The following NME9 variants were observed in gnomAD, a reference collection of about 807,000 sequenced individuals.
NME9 encodes NME/NM23 family member 9.
NME9 carries 48 observed loss-of-function variants against 44.4 expected under a neutral mutation model. The ratio of observed to expected loss-of-function variants is 1.08; its 90% CI spans 0.86 to 1.37. The LOEUF (loss-of-function observed/expected upper bound fraction) is 1.37. Among genes scored for constraint, NME9 ranks in the 40% most tolerant of loss-of-function variants. The pLI, the probability that NME9 is intolerant of heterozygous loss-of-function variation, is 0.00. For missense variants in NME9, 325 were observed against 405.2 expected, an observed-to-expected ratio of 0.80 and a Z score of 1.70; for synonymous variants, 139 against 147.1, an observed-to-expected ratio of 0.94 and a Z score of 0.40.
At chr3:138,290,209 C>A (rs1210414099) in intron 8 of NME9, among the ~76,000 whole-genome samples, 1 of 152,120 alleles carries the variant, frequency 6.6e-6, no homozygotes, top group Non-Finnish European at 1.5e-5. Context: ...ATGGGTATGT[C>A]CTGAAAGAAG....
chr3:138,263,634 AAAC>A (rs1250142733), intron 8 of NME9: 4 of 1,070,974 alleles, frequency 3.7e-6, no homozygotes, highest in Non-Finnish European at 5.8e-6. Context: ...CTCTTGCCAA[AAAC>A]AACGTTAAAC....
At chr3:138,310,015 C>CAA (rs764498144) in intron 6 of NME9, among the ~76,000 whole-genome samples, 72 of 130,282 alleles carry the variant, frequency 5.5e-4, no homozygotes, top group African/African-American at 1.8e-3. Context: ...AACTCCATCT[C>CAA]AAAAAAAAAA....
In NME9 at chr3:138,284,362, A is replaced by G. The variant is rs1407426070; in HGVS notation, c.745+19145T>C. The G allele has an allele frequency of 2.6e-5, 33 of 1,245,490 alleles. No individual in the cohort carries two copies. The Admixed American group carries it at 5.5e-4, about 21-fold the overall frequency. 77.2% of individuals were successfully genotyped at this position (1,245,490 alleles called of 1,614,324 possible). Reference sequence around the variant, plus strand: ...GTACCTTCAAGTGAAAAATTGCCCAAGCTCTTGAGACAGCTTGACTCTGGG... The same window carrying G: ...GTACCTTCAAGTGAAAAATTGCCCAGGCTCTTGAGACAGCTTGACTCTGGG... On this transcript the variant is annotated intron_variant, in intron 8 of 8. Transcript: ENST00000317876.
intron 8 of NME9, among the ~76,000 whole-genome samples, chr3:138,269,629 C>T (rs950319110): frequency 7.9e-5 from 12 of 151,936 alleles, no homozygotes; most frequent in Non-Finnish European, 1.3e-4. Flanking sequence ...TCATAGAGTT[C>T]GTAAGCAATG....
At chr3:138,271,278 T>A (rs2048762914) in intron 8 of NME9, among the ~76,000 whole-genome samples, 1 of 152,198 alleles carries the variant, frequency 6.6e-6, no homozygotes, top group African/African-American at 2.4e-5. Flanking sequence ...ACTTTCTACC[T>A]AGCTTCCTTT....
chr3:138,271,935 AC>A (rs2048842129), intron 8 of NME9, among the ~76,000 whole-genome samples: 1 of 151,944 alleles, frequency 6.6e-6, no homozygotes, highest in Non-Finnish European at 1.5e-5. Flanking sequence ...AGCTGGGATT[AC>A]AGGCGTGTGC....
chr3:138,300,081 G>A (rs971110330), downstream of NME9, among the ~76,000 whole-genome samples: 2 of 152,176 alleles, frequency 1.3e-5, no homozygotes, highest in South Asian at 2.1e-4. Flanking sequence ...GGTGGGCTGT[G>A]AGTCTGGGGA....
chr3:138,329,407 C>A lies in NME9; in HGVS notation c.-72G>T. The A allele has an allele frequency of 6.5e-7, 1 of 1,534,518 alleles. No homozygotes were observed. Among genetic ancestry groups the A allele is most frequent in the South Asian group, 1.2e-5 (1 of 83,818 alleles). ...TCCCCCGCAGCCTCGCGACAAACCG[C>A]TGCGTGGATCAGCAAGCCCAGAGCC... On this transcript the variant is annotated 5_prime_UTR_variant, in exon 1 of 11. Coordinates refer to ENST00000333911, the MANE Select transcript of NME9 (RefSeq NM_001349018.2).
chr3:138,303,724 G>T, intron 9 of NME9, 81 bp from the exon 10 acceptor site: 3 of 1,316,674 alleles, frequency 2.3e-6, no homozygotes, highest in South Asian at 1.3e-5. Flanking sequence ...CATGATCACC[G>T]ACTACCAATC....
rs183915870 is a variant in NME9 at position 138,303,968 on chromosome 3, G to A, written c.792-325C>T. On this transcript the variant is annotated intron_variant, in intron 9 of 10. Coordinates refer to ENST00000333911, the MANE Select transcript of NME9 (RefSeq NM_001349018.2). ...TAAGCACAGGAGCTGCCATTTTTTC[G>A]ATATTACTACCAAAGGCTAGCACCA... 2.9e-3 allele frequency among the ~76,000 whole-genome samples: 442 copies of A among 152,164 alleles called. 3 individuals are homozygous for A. Among genetic ancestry groups the A allele is most frequent in the African/African-American group, 0.01 (418 of 41,516 alleles).
intron 4 of NME9, 47 bp downstream of exon 4, chr3:138,318,101 A>T (rs753057558): frequency 2.6e-6 from 3 of 1,160,244 alleles, no homozygotes; most frequent in Non-Finnish European, 3.9e-6. Flanking sequence ...TTTGAACTCT[A>T]ATGATTTGCA....
chr3:138,315,765 C>T (rs565083075), intron 4 of NME9, 122 bp from the exon 5 acceptor site: 18 of 703,372 alleles, frequency 2.6e-5, no homozygotes, highest in South Asian at 3.6e-5. Flanking sequence ...CCTGTAGCAG[C>T]GTGCTCACTT....
rs570658246 is a variant in NME9 at position 138,329,451 on chromosome 3, C to T, written c.-116G>A. 2.0e-6 allele frequency: 3 copies of T among 1,509,348 alleles called. No homozygotes were observed. The highest frequency in any genetic ancestry group is 5.0e-5 in the East Asian group (2 of 39,984). The allele number at this position is 1,509,348 out of a possible 1,614,324, so 93.5% of individuals were successfully genotyped here. ...CAGAGCCTCCTTCAGACAAGCCCCC[C>T]TCCTACGGCCCCCGGCCCCTTTTTA... On this transcript the variant is annotated 5_prime_UTR_variant, in exon 1 of 11. Coordinates refer to ENST00000333911, the MANE Select transcript of NME9 (RefSeq NM_001349018.2).
chr3:138,304,089 G>A (rs1560092129), intron 9 of NME9, among the ~76,000 whole-genome samples: 1 of 152,198 alleles, frequency 6.6e-6, no homozygotes, highest in Non-Finnish European at 1.5e-5. Flanking sequence ...ACTACTCGGT[G>A]AGATATATAC....
intron 8 of NME9, among the ~76,000 whole-genome samples, chr3:138,271,913 A>G (rs1357960222): frequency 6.6e-6 from 1 of 151,662 alleles, no homozygotes. Context: ...CTTGTGCCTC[A>G]ACCTCCTGAG....
chr3:138,276,512 G>A (rs938428348), intron 8 of NME9, among the ~76,000 whole-genome samples: 8 of 152,116 alleles, frequency 5.3e-5, no homozygotes, highest in Non-Finnish European at 8.8e-5. Context: ...GATTGGAAAG[G>A]ACAGTATGAA....
chr3:138,326,281 G>C (rs552215592), intron 1 of NME9, among the ~76,000 whole-genome samples: 50 of 152,328 alleles, frequency 3.3e-4, no homozygotes, highest in Admixed American at 1.2e-3. Flanking sequence ...CCATCTGCCT[G>C]TTACTGATGT....
intron 1 of NME9, chr3:138,327,048 C>G (rs577230025): frequency 6.9e-6 from 1 of 144,950 alleles, no homozygotes; most frequent in East Asian, 2.1e-4. Flanking sequence ...ACCAGCTACT[C>G]GGGAGGCTGA....
intron 4 of NME9, among the ~76,000 whole-genome samples, chr3:138,316,271 G>A (rs1331994737): frequency 6.6e-6 from 1 of 152,192 alleles, no homozygotes; most frequent in Non-Finnish European, 1.5e-5. Flanking sequence ...GAGTGACTAA[G>A]TGTGGCTTAC....
Sources: gnomAD v4.1 joint callset for allele counts (sites outside exome capture counted in the v4.1 genomes callset) on GRCh38, gnomAD v4.1.1 for gene constraint, MANE v1.5 for transcripts, NCBI Gene and HGNC (gene_info 2026-07-23, HGNC 2026-07-21) for gene names.